MVK: variants seen among roughly 807,000 people sequenced by gnomAD.
The protein encoded by MVK is mevalonate kinase.
A neutral mutation model predicts 43.2 loss-of-function variants in MVK; 34 were observed. That is an observed-to-expected ratio of 0.79 (90% CI 0.60 to 1.05). MVK has a LOEUF of 1.05. Among genes scored for constraint, MVK ranks in the 50% least tolerant of loss-of-function variants. The pLI is 0.00. For synonymous variants in MVK, 190 were observed against 219.8 expected (o/e 0.86, Z 1.20); for missense variants, 395 against 504.0 (o/e 0.78, Z 2.07).
chr12:109,589,423 G>A (rs1487097979), intron 7 of MVK: 1 of 152,132 alleles, frequency 6.6e-6, no homozygotes, highest in Non-Finnish European at 1.5e-5. Context: ...ATGGCTTAAG[G>A]AGCTTCCCCC....
At chr12:109,590,504 T>C (rs1373058866) in intron 7 of MVK, 3 of 519,338 alleles carry the variant, frequency 5.8e-6, no homozygotes, top group Admixed American at 3.1e-5. Flanking sequence ...AAGGCCACGC[T>C]GTGCCTAGCA....
intron 7 of MVK, chr12:109,590,328 G>A: frequency 3.2e-6 from 1 of 315,354 alleles, no homozygotes; most frequent in South Asian, 2.9e-5. Flanking sequence ...GACTGTGCCG[G>A]GTTCCGCCAC....
In MVK at chr12:109,575,002, A is replaced by C; in HGVS notation, c.78+102A>C. On this transcript the variant is annotated intron_variant, in intron 2 of 10. Transcript: ENST00000228510. ...ACCCTGAGGCACAGCTTGGGAGCAG[A>C]TCAGAGAGATCAGGTTCTCCCCAGC... The C allele has an allele frequency of 2.6e-6, 3 of 1,136,566 alleles. No homozygotes were observed. The South Asian group carries it at 4.0e-5, about 15-fold the overall frequency. 70.4% of individuals were successfully genotyped at this position (1,136,566 alleles called of 1,614,324 possible).
chr12:109,586,510 G>T (rs1029989980), intron 6 of MVK, among the ~76,000 whole-genome samples: 1 of 152,206 alleles, frequency 6.6e-6, no homozygotes, highest in Non-Finnish European at 1.5e-5. Flanking sequence ...GCTTGTCGGG[G>T]GAAGCTGGAC....
intron 10 of MVK, among the ~76,000 whole-genome samples, chr12:109,596,147 C>T (rs1344846862): frequency 6.6e-6 from 1 of 152,238 alleles, no homozygotes; most frequent in Non-Finnish European, 1.5e-5. Context: ...GGGGAAGTCA[C>T]TTGTCTGAGG....
At chr12:109,582,843 C>G (rs570961703) in intron 5 of MVK, among the ~76,000 whole-genome samples, 1 of 152,318 alleles carries the variant, frequency 6.6e-6, no homozygotes, top group East Asian at 1.9e-4. Context: ...CTGTTGGTCC[C>G]TGGGAAGGGC....
At chr12:109,590,713 C>T in intron 7 of MVK, 58 bp from the exon 8 acceptor site, 2 of 1,535,524 alleles carry the variant, frequency 1.3e-6, no homozygotes, top group Non-Finnish European at 1.8e-6. Flanking sequence ...GCTCCCAGTC[C>T]TGTCCCAGCT....
intron 9 of MVK, 144 bp from the exon 10 acceptor site, chr12:109,594,884 G>A: frequency 2.2e-6 from 2 of 912,662 alleles, no homozygotes; most frequent in Admixed American, 2.1e-5. Flanking sequence ...TTTTACAAGT[G>A]GAGAGGGCCA....
Position 109,576,125 on chromosome 12 carries a change from C to A in MVK, c.206C>A (p.Ser69Ter). 2 of 1,614,162 alleles carry A rather than the reference C, an allele frequency of 1.2e-6. No individual in the cohort carries two copies. Among genetic ancestry groups the A allele is most frequent in the South Asian group, 1.1e-5 (1 of 91,068 alleles). The change falls in exon 3 of 11, where the codon TCA (serine) becomes TAA (stop). Residue 69 changes from serine (S) to a stop codon, truncating the protein, a stop_gained. Transcript: ENST00000228510. LOFTEE classifies it high-confidence loss of function. ...GCCTGGGATGTGGCCAGGCTTCAGT[C>A]ACTGGACACAAGCTTTCTGGGTGAG... Reference protein sequence around the residue: ...KRAWDVARLQSLDTSFLEQGD... With the variant: ...KRAWDVARLQ
intron 3 of MVK, chr12:109,579,145 T>TA: frequency 2.1e-5 from 8 of 380,678 alleles, no homozygotes; most frequent in Admixed American, 3.2e-5. Flanking sequence ...CAATTTTTTT[T>TA]TTTTTTTTTT....
chr12:109,585,930 ATG>A, intron 5 of MVK, 90 bp from the exon 6 acceptor site: 1 of 984,692 alleles, frequency 1.0e-6, no homozygotes, highest in Non-Finnish European at 1.6e-6. Context: ...CCAAGCTCCT[ATG>A]CCCCTTGGCC....
At chr12:109,592,279 T>C (rs1405235216) in intron 9 of MVK, among the ~76,000 whole-genome samples, 4 of 152,332 alleles carry the variant, frequency 2.6e-5, no homozygotes, top group Middle Eastern at 3.4e-3. Flanking sequence ...TGGTGTGCTA[T>C]GAGCTTAGGG....
chr12:109,587,752 G>A (rs11067359), intron 7 of MVK: 33,170 of 152,292 alleles, frequency 0.22, 3,740 homozygotes, highest in Non-Finnish European at 0.24. Context: ...CTGGGCCCCC[G>A]GCTAGTTCTC....
At chr12:109,577,953 A>T (rs66499479) in intron 3 of MVK, among the ~76,000 whole-genome samples, 6,594 of 152,256 alleles carry the variant, frequency 0.043, 221 homozygotes, top group Non-Finnish European at 0.071. Context: ...TGTGTATGTC[A>T]GTAGCTTGGG....
chr12:109,591,114 G>T, intron 8 of MVK, 127 bp from the exon 9 acceptor site: 1 of 1,011,754 alleles, frequency 9.9e-7, no homozygotes, highest in Non-Finnish European at 1.6e-6. Context: ...TCAGAAGAGA[G>T]GTGGTTTCCC....
At position 109,593,293 on chromosome 12, in the gene MVK, C is replaced by T. The variant is rs572583958; in HGVS notation, c.886-1735C>T. Among the ~76,000 whole-genome samples, 9 of 152,350 alleles carry T rather than the reference C, an allele frequency of 5.9e-5. No individual in the cohort carries two copies. In the East Asian group the frequency reaches 1.4e-3, roughly 23 times the overall value. On this transcript the variant is annotated intron_variant, in intron 9 of 10. Coordinates refer to ENST00000228510, the MANE Select transcript of MVK (RefSeq NM_000431.4). Reference sequence around the variant, plus strand: ...CATTTGTCAAAAATGGTGAGCTTGGCGCAGAGCGAGGTATGAGGCAGGCTG... The same window carrying T: ...CATTTGTCAAAAATGGTGAGCTTGGTGCAGAGCGAGGTATGAGGCAGGCTG...
intron 5 of MVK, among the ~76,000 whole-genome samples, chr12:109,582,739 C>T (rs1018991442): frequency 2.6e-5 from 4 of 151,604 alleles, no homozygotes; most frequent in Non-Finnish European, 4.4e-5. Flanking sequence ...GGAAGACTCA[C>T]ATTTGTTGAG....
intron 9 of MVK, among the ~76,000 whole-genome samples, chr12:109,593,297 G>A (rs1367541865): frequency 6.6e-6 from 1 of 152,254 alleles, no homozygotes; most frequent in African/African-American, 2.4e-5. Flanking sequence ...GCTTGGCGCA[G>A]AGCGAGGTAT....
At chr12:109,587,577 C>G (rs1885492155) in intron 7 of MVK, among the ~76,000 whole-genome samples, 1 of 152,166 alleles carries the variant, frequency 6.6e-6, no homozygotes, top group Non-Finnish European at 1.5e-5. Context: ...TCCCAGGGCA[C>G]TTTGCCACCT....
Sources: gnomAD v4.1 joint callset for allele counts (sites outside exome capture counted in the v4.1 genomes callset) on GRCh38, gnomAD v4.1.1 for gene constraint, MANE v1.5 for transcripts, NCBI Gene and HGNC (gene_info 2026-07-23, HGNC 2026-07-21) for gene names.